The following DICER1 variants were observed in gnomAD, a reference collection of about 807,000 sequenced individuals.
The protein encoded by DICER1 is endoribonuclease Dicer.
Under a neutral mutation model 194.1 loss-of-function variants are expected in DICER1, and 43 were observed. The observed-to-expected ratio is 0.22, with a 90% CI of 0.17 to 0.29. DICER1 has a LOEUF of 0.29. Ranked by LOEUF, DICER1 falls within the 10% of genes least tolerant of loss-of-function variation. The probability of loss-of-function intolerance (pLI) is 1.00; values close to 1 mark genes in which losing one functional copy is unlikely to be tolerated. For synonymous variants in DICER1, 832 were observed against 820.5 expected (o/e 1.01, Z -0.24); for missense variants, 1,608 against 2,317.0 (o/e 0.69, Z 6.28).
chr14:95,125,625 G>A (rs1415425178), intron 7 of DICER1, among the ~76,000 whole-genome samples: 1 of 35,154 alleles, frequency 2.8e-5, no homozygotes, highest in Non-Finnish European at 5.8e-5. Flanking sequence ...GGGGAGAGGA[G>A]GAGGGGGAGG....
rs1893175876 is a variant in DICER1 at position 95,124,130 on chromosome 14, C to T, written c.1376+66G>A. 5.1e-6 allele frequency: 6 copies of T among 1,168,206 alleles called. No individual in the cohort carries two copies. The highest frequency in any genetic ancestry group is 2.5e-5 in the South Asian group (2 of 80,630). 72.4% of individuals were successfully genotyped at this position (1,168,206 alleles called of 1,614,324 possible). A position where few individuals can be genotyped will look rare whatever the true frequency, so the allele number is the denominator to read the frequency against. On this transcript the variant is annotated intron_variant, in intron 8 of 26. Transcript: ENST00000343455. The surrounding 1 kb of genome is among the most constrained non-coding windows in gnomAD (Gnocchi z 4.5). The stretch of plus-strand genomic sequence containing the variant: ...ATGCTAGCTCTTACAGCTGCTGCAG[C>T]GCATCACATCACAACACAGGACGCC...
chr14:95,095,633 G>T (rs906477715), intron 23 of DICER1, 192 bp downstream of exon 23: 2 of 678,868 alleles, frequency 2.9e-6, no homozygotes, highest in Non-Finnish European at 5.1e-6. Flanking sequence ...AACAACCAAA[G>T]TTATAAAGCA....
intron 1 of DICER1, chr14:95,140,701 G>A (rs1442312001): frequency 6.6e-6 from 1 of 152,180 alleles, no homozygotes; most frequent in African/African-American, 2.4e-5. Context: ...TGTCTGAACT[G>A]CATTTTGACA....
rs780358848 is a variant in DICER1, at chr14:95,099,762, ACACAC to A, written c.4206+13_4206+17del. On this transcript the variant is annotated intron_variant, in intron 22 of 26. Transcript: ENST00000343455. The stretch of plus-strand genomic sequence containing the variant: ...CACACACACACACACACACACACAC[ACACAC>A]ACACAAACTTACCATTTCATCTTTT... 1.5e-5 allele frequency: 19 copies of A among 1,258,632 alleles called. No individual in the cohort carries two copies. In the African/African-American group the frequency reaches 2.9e-4, roughly 19 times the overall value. The allele number at this position is 1,258,632 out of a possible 1,614,324, so 78.0% of individuals were successfully genotyped here.
chr14:95,108,606 T>A, intron 14 of DICER1, 103 bp from the exon 15 acceptor site: 1 of 1,078,344 alleles, frequency 9.3e-7, no homozygotes, highest in Non-Finnish European at 1.4e-6. Context: ...TAAAAGCTGA[T>A]GAGAATAAGC....
intron 1 of DICER1, among the ~76,000 whole-genome samples, chr14:95,148,648 C>T (rs1185685299): frequency 1.3e-5 from 2 of 152,140 alleles, no homozygotes; most frequent in African/African-American, 4.8e-5. Context: ...AAGTGGAACA[C>T]AGGTCAAATA....
At chr14:95,155,420 G>T (rs974109541) in intron 1 of DICER1, among the ~76,000 whole-genome samples, 1 of 152,158 alleles carries the variant, frequency 6.6e-6, no homozygotes, top group Non-Finnish European at 1.5e-5. Flanking sequence ...ACCCTCTCTA[G>T]AAGATAGCAC....
chr14:95,090,708 A>C (rs1446512966), intron 26 of DICER1, 45 bp from the exon 27 acceptor site: 1 of 1,607,056 alleles, frequency 6.2e-7, no homozygotes, highest in South Asian at 1.1e-5. Context: ...AGAAGTATTT[A>C]TTATCATTGT....
intron 1 of DICER1, among the ~76,000 whole-genome samples, chr14:95,156,491 C>G (rs1022908634): frequency 1.3e-5 from 2 of 152,226 alleles, no homozygotes; most frequent in African/African-American, 4.8e-5. Flanking sequence ...CAGTGGTTTG[C>G]TGGCTCTGAC....
chr14:95,118,656 G>A (rs941000098), intron 8 of DICER1, among the ~76,000 whole-genome samples: 1 of 152,074 alleles, frequency 6.6e-6, no homozygotes, highest in Non-Finnish European at 1.5e-5. Context: ...CAGCTATTTT[G>A]GAAATATCCA....
intron 22 of DICER1, among the ~76,000 whole-genome samples, chr14:95,099,066 A>G (rs935710321): frequency 2.6e-5 from 4 of 152,240 alleles, no homozygotes; most frequent in Non-Finnish European, 5.9e-5. Context: ...AATGCAAAAT[A>G]AATCTCCAAG....
rs1491225035 is a variant in DICER1 at position 95,116,089 on chromosome 14, ACG to A, written c.1753-270_1753-269del. ...CACACACACACACACACACACACAC[ACG>A]ACTGTTAGTCTTTCTGAATGTAACT... On this transcript the variant is annotated intron_variant, in intron 10 of 26. Coordinates refer to ENST00000343455, the MANE Select transcript of DICER1 (RefSeq NM_177438.3). 5.1e-3 allele frequency among the ~76,000 whole-genome samples: 770 copies of A among 150,670 alleles called. 5 individuals are homozygous for A. Among genetic ancestry groups the A allele is most frequent in the African/African-American group, 0.019 (754 of 40,230 alleles).
In DICER1 at chr14:95,132,546, A is replaced by G. The variant is rs370551656; in HGVS notation, c.276T>C (p.Asn92=). The change falls in exon 3 of 27, where the codon AAT becomes AAC. Residue 92 remains asparagine, a synonymous_variant. Coordinates refer to ENST00000343455, the MANE Select transcript of DICER1 (RefSeq NM_177438.3). ...SYQIRGDFSR[N]GKRTVFLVNS... is the part of the protein sequence containing the mutation. ...TGACCAAGAACACCGTCCTTTTTCC[A>G]TTTCTGCTGAAGTCTCCCCTGATCT... 21 of 1,613,842 alleles carry G rather than the reference A, an allele frequency of 1.3e-5. No individual in the cohort carries two copies. The African/African-American group carries it at 2.5e-4, about 19-fold the overall frequency.
chr14:95,146,811 CT>C (rs1166998847), intron 1 of DICER1, among the ~76,000 whole-genome samples: 1 of 152,144 alleles, frequency 6.6e-6, no homozygotes, highest in Admixed American at 6.5e-5. Flanking sequence ...GAGAAAAATC[CT>C]GTGTAAATGG....
At chr14:95,113,587 T>G (rs1892174021) in intron 11 of DICER1, among the ~76,000 whole-genome samples, 1 of 152,244 alleles carries the variant, frequency 6.6e-6, no homozygotes, top group South Asian at 2.1e-4. Flanking sequence ...CAGAATCCAG[T>G]AAGAAAACAT....
chr14:95,100,094 A>AG (rs1331859259), intron 21 of DICER1, among the ~76,000 whole-genome samples, 159 bp from the exon 22 acceptor site: 2 of 152,178 alleles, frequency 1.3e-5, no homozygotes, highest in Non-Finnish European at 2.9e-5. Context: ...CTACCCATTC[A>AG]TGTTATAAAA....
At chr14:95,091,451 G>A (rs910004071) in intron 24 of DICER1, 86 bp from the exon 25 acceptor site, 158 of 1,266,086 alleles carry the variant, frequency 1.2e-4, no homozygotes, top group Middle Eastern at 1.8e-4. Context: ...TTGGATATAT[G>A]ACTTTTGTTA....
intron 1 of DICER1, among the ~76,000 whole-genome samples, chr14:95,146,485 G>A (rs944350001): frequency 1.5e-4 from 23 of 152,118 alleles, no homozygotes; most frequent in South Asian, 4.1e-4. Flanking sequence ...ACACAACTTC[G>A]GGTGGGGAAC....
rs138220452 is a variant in DICER1, at chr14:95,122,357, T to C, written c.1376+1839A>G. 1.8e-3 allele frequency among the ~76,000 whole-genome samples: 275 copies of C among 152,294 alleles called. 1 individual carries two copies. Among genetic ancestry groups the C allele is most frequent in the African/African-American group, 6.4e-3 (264 of 41,538 alleles). ...CCAGAAAATTTATTTAATCCTTATA[T>C]AATCCTAAATGGAGACGGGGAGTAT... On this transcript the variant is annotated intron_variant, in intron 8 of 26. Coordinates refer to ENST00000343455, the MANE Select transcript of DICER1 (RefSeq NM_177438.3).
Sources: gnomAD v4.1 joint callset for allele counts (sites outside exome capture counted in the v4.1 genomes callset) on GRCh38, gnomAD v4.1.1 for gene constraint, Gnocchi (gnomAD v3.1) non-coding constraint, MANE v1.5 for transcripts, NCBI Gene and HGNC (gene_info 2026-07-23, HGNC 2026-07-21) for gene names.